Variants in GALM observed in about 807,000 individuals in gnomAD.
The protein encoded by GALM is galactose mutarotase.
GALM carries 43 observed loss-of-function variants against 37.4 expected under a neutral mutation model. The observed-to-expected ratio is 1.15, with a 90% CI of 0.90 to 1.48. GALM has a LOEUF of 1.48. Ranked by LOEUF, GALM falls within the 40% of genes most tolerant of loss-of-function variation. The pLI, the probability that GALM is intolerant of heterozygous loss-of-function variation, is 0.00. For missense variants in GALM, 456 were observed against 419.1 expected, an observed-to-expected ratio of 1.09 and a Z score of -0.77; for synonymous variants, 199 against 170.6, an observed-to-expected ratio of 1.17 and a Z score of -1.30.
chr2:38,684,085 C>T (rs192136178), intron 3 of GALM, among the ~76,000 whole-genome samples: 1 of 152,308 alleles, frequency 6.6e-6, no homozygotes, highest in Admixed American at 6.5e-5. Flanking sequence ...TATCATATAT[C>T]TCAAACCCTC....
chr2:38,708,523 T>A (rs1345774448), intron 4 of GALM, among the ~76,000 whole-genome samples: 8 of 151,854 alleles, frequency 5.3e-5, no homozygotes, highest in Non-Finnish European at 1.0e-4. Context: ...GGGCGGATCA[T>A]GAGGTCAGGA....
At chr2:38,704,321 C>A (rs1416784388) in intron 4 of GALM, among the ~76,000 whole-genome samples, 1 of 151,998 alleles carries the variant, frequency 6.6e-6, no homozygotes, top group African/African-American at 2.4e-5. Context: ...ACCTCAGCCT[C>A]CTGCATAGCT....
intron 4 of GALM, among the ~76,000 whole-genome samples, chr2:38,697,594 A>T (rs1164958655): frequency 6.6e-6 from 1 of 152,244 alleles, no homozygotes; most frequent in Non-Finnish European, 1.5e-5. Flanking sequence ...ATGGGAAAAC[A>T]CATCATCATG....
chr2:38,711,182 C>T (rs192270748), intron 4 of GALM, among the ~76,000 whole-genome samples: 109 of 135,394 alleles, frequency 8.1e-4, no homozygotes, highest in Admixed American at 2.2e-3. Context: ...TTTTTTGAGA[C>T]GGAGTCTCGC....
At chr2:38,701,231 T>A (rs554265121) in intron 4 of GALM, among the ~76,000 whole-genome samples, 131 of 152,340 alleles carry the variant, frequency 8.6e-4, no homozygotes, top group African/African-American at 3.1e-3. Flanking sequence ...CTCACAGAAC[T>A]GTAGAATTAG....
At chr2:38,711,792 C>T in intron 4 of GALM, among the ~76,000 whole-genome samples, 1 of 124,844 alleles carries the variant, frequency 8.0e-6, no homozygotes, top group Non-Finnish European at 1.8e-5. Context: ...TCACCACCAT[C>T]ACCATCACCA....
intron 4 of GALM, among the ~76,000 whole-genome samples, chr2:38,708,380 C>T (rs1355663638): frequency 6.6e-6 from 1 of 152,154 alleles, no homozygotes; most frequent in African/African-American, 2.4e-5. Context: ...TGCTTTAGCA[C>T]AGGGCCATGG....
intron 1 of GALM, 94 bp from the exon 2 acceptor site, chr2:38,675,818 C>G (rs1665246272): frequency 3.4e-6 from 4 of 1,170,236 alleles, no homozygotes; most frequent in Non-Finnish European, 5.1e-6. Context: ...ATCCGCCTGC[C>G]TCGGCCTCCC....
chr2:38,698,419 C>G, intron 4 of GALM: 1 of 1,303,020 alleles, frequency 7.7e-7, no homozygotes, highest in Non-Finnish European at 1.0e-6. Context: ...ACCCATGGAC[C>G]AGGAGCAAAG....
At chr2:38,683,040 A>T (rs1665436178) in intron 3 of GALM, among the ~76,000 whole-genome samples, 1 of 152,224 alleles carries the variant, frequency 6.6e-6, no homozygotes, top group Non-Finnish European at 1.5e-5. Context: ...GTAGGTAAAA[A>T]ACTCGGTGAT....
chr2:38,688,104 C>A lies in GALM; in HGVS notation c.553-1709C>A, dbSNP rs187999278. The stretch of plus-strand genomic sequence containing the variant: ...GCACACGCTTGTAATCCCAGCTGCT[C>A]GGGAGGCTGAAGCAGGAGAATTGCT... On this transcript the variant is annotated intron_variant, in intron 3 of 6. Coordinates refer to ENST00000272252, the MANE Select transcript of GALM (RefSeq NM_138801.3). Among the ~76,000 whole-genome samples, 5 of 151,246 alleles carry A rather than the reference C, an allele frequency of 3.3e-5. No homozygotes were observed. In the East Asian group the frequency reaches 9.8e-4, roughly 30 times the overall value.
At chr2:38,729,795 C>A in intron 5 of GALM, 98 bp downstream of exon 5, 1 of 1,004,386 alleles carries the variant, frequency 1.0e-6, no homozygotes, top group Non-Finnish European at 1.5e-6. Context: ...ATAGCATTTA[C>A]TATGCTACAA....
chr2:38,666,436 G>T, intron 1 of GALM, 85 bp downstream of exon 1: 2 of 1,080,016 alleles, frequency 1.9e-6, no homozygotes, highest in African/African-American at 1.6e-5. Context: ...CTTGCAATGC[G>T]AGGGACCAAG....
chr2:38,693,940 A>C (rs1483994758), intron 4 of GALM, among the ~76,000 whole-genome samples: 2 of 152,196 alleles, frequency 1.3e-5, no homozygotes. Flanking sequence ...TAATCCCAGC[A>C]CTTTGGGAGA....
chr2:38,679,928 C>T, intron 2 of GALM: 1 of 403,090 alleles, frequency 2.5e-6, no homozygotes, highest in South Asian at 1.9e-5. Flanking sequence ...TAAGTGTAAT[C>T]TTGGAGCCTC....
rs1439303247 is a variant in GALM, at chr2:38,731,909, G to C, written c.951G>C (p.Gln317His). ...ETQNWPDAVNQPRFPPVLLRP... is the reference protein window; with the variant it reads ...ETQNWPDAVNHPRFPPVLLRP... ...AGAACTGGCCTGATGCAGTCAATCA[G>C]GTAATGCCACAGGCTGGCTTTTCAG... The change falls in exon 6 of 7, where the codon CAG becomes CAC. Residue 317 changes from glutamine (Q) to histidine (H), a missense_variant and splice_region_variant. Physicochemically the swap from Gln to His is conservative, Grantham distance 24. Transcript: ENST00000272252. The C allele has an allele frequency of 6.2e-7, 1 of 1,613,792 alleles. No individual in the cohort carries two copies. Among genetic ancestry groups the C allele is most frequent in the Non-Finnish European group, 8.5e-7 (1 of 1,179,742 alleles).
chr2:38,675,845 A>C, intron 1 of GALM, 67 bp from the exon 2 acceptor site: 2 of 1,474,952 alleles, frequency 1.4e-6, no homozygotes, highest in Admixed American at 3.4e-5. Flanking sequence ...CTGGGATTAC[A>C]GGTGTGAGCC....
chr2:38,722,849 G>A (rs749423696), intron 4 of GALM, among the ~76,000 whole-genome samples: 1 of 152,210 alleles, frequency 6.6e-6, no homozygotes, highest in Non-Finnish European at 1.5e-5. Flanking sequence ...ACACTCCAGA[G>A]GGAGGTGGAA....
At chr2:38,691,109 C>A (rs1186970981) in intron 4 of GALM, among the ~76,000 whole-genome samples, 2 of 151,970 alleles carry the variant, frequency 1.3e-5, no homozygotes, top group Admixed American at 1.3e-4. Flanking sequence ...TTGTGAACTG[C>A]AAGGAAAAAA....
Sources: gnomAD v4.1 joint callset for allele counts (sites outside exome capture counted in the v4.1 genomes callset) on GRCh38, gnomAD v4.1.1 for gene constraint, MANE v1.5 for transcripts, NCBI Gene and HGNC (gene_info 2026-07-23, HGNC 2026-07-21) for gene names.